Variants in CD58 observed in about 807,000 individuals in gnomAD.
CD58 encodes CD58 molecule, also known as lymphocyte function-associated antigen 3.
CD58 carries 14 observed loss-of-function variants against 27.6 expected under a neutral mutation model. The ratio of observed to expected loss-of-function variants is 0.51; its 90% CI spans 0.34 to 0.79. The LOEUF (loss-of-function observed/expected upper bound fraction) is 0.79, where lower values mean the gene tolerates loss of function less well. Ranked by LOEUF, CD58 falls within the 30% of genes least tolerant of loss-of-function variation. CD58 has a pLI of 0.02. For synonymous variants in CD58, 117 were observed against 103.8 expected (o/e 1.13, Z -0.77); for missense variants, 268 against 301.7 (o/e 0.89, Z 0.83).
chr1:116,542,956 G>A lies in CD58; in HGVS notation c.364+1355C>T, dbSNP rs147000700. Among the ~76,000 whole-genome samples the A allele has an allele frequency of 1.5e-3, 233 of 152,304 alleles. 8 individuals are homozygous for A. In the East Asian group the frequency reaches 0.038, roughly 25 times the overall value. On this transcript the variant is annotated intron_variant, in intron 2 of 5. Transcript: ENST00000369489. ...GAAGGAGGTATTCAAGATTTGAGGA[G>A]AGAAAAAGTAACTGCTAGGAGAGTG... is the stretch of plus-strand genomic sequence containing the variant.
chr1:116,530,999 G>A (rs1281977283), intron 3 of CD58, among the ~76,000 whole-genome samples: 1 of 152,108 alleles, frequency 6.6e-6, no homozygotes, highest in East Asian at 1.9e-4. Context: ...AAAATCTGTT[G>A]TATATATGTG....
Position 116,514,629 on chromosome 1 carries a change from T to A in CD58, c.*184A>T, listed in dbSNP as rs1657019151. The A allele has an allele frequency of 1.9e-6, 1 of 530,664 alleles. No homozygotes were observed. Among genetic ancestry groups the A allele is most frequent in the Non-Finnish European group, 3.4e-6 (1 of 292,956 alleles). 32.9% of individuals were successfully genotyped at this position (530,664 alleles called of 1,614,324 possible). A position where few individuals can be genotyped will look rare whatever the true frequency, so the allele number is the denominator to read the frequency against. On this transcript the variant is annotated 3_prime_UTR_variant, in exon 6 of 6. Transcript: ENST00000369489. ...AAAAAGCAAGCACCTAGTCATATAA[T>A]AAGTTGATGACAGCCAAAACTAATG... is the stretch of plus-strand genomic sequence containing the variant.
At position 116,527,491 on chromosome 1, in the gene CD58, A is replaced by G. The variant is rs567130960; in HGVS notation, c.629-5508T>C. 3.9e-4 allele frequency among the ~76,000 whole-genome samples: 59 copies of G among 152,270 alleles called. No individual in the cohort carries two copies. The highest frequency in any genetic ancestry group is 2.4e-3 in the Admixed American group (37 of 15,298). ...TGATGGATTACATTAATTGATTTTC[A>G]TATGTTGAACCTGCCTTGCACACCT... On this transcript the variant is annotated intron_variant, in intron 3 of 5. Transcript: ENST00000369489. This position sits in a 1 kb window ranked among gnomAD's most constrained non-coding sequence, Gnocchi z 4.4.
chr1:116,535,996 T>G lies in CD58; in HGVS notation c.597A>C (p.Ser199=), dbSNP rs1657785036. Residue 199 remains serine, a synonymous_variant, in exon 3 of 6, where the codon TCA becomes TCC. Coordinates refer to ENST00000369489, the MANE Select transcript of CD58 (RefSeq NM_001779.3). ...LSNPLFNTTS[S]IILTTCIPSS... Reference sequence around the variant, plus strand: ...TTGGGATACAGGTTGTCAAAATGATTGATGATGTTGTATTAAATAATGGAT... The same window carrying G: ...TTGGGATACAGGTTGTCAAAATGATGGATGATGTTGTATTAAATAATGGAT... 3.1e-6 allele frequency: 5 copies of G among 1,611,466 alleles called. No homozygotes were observed. The highest frequency in any genetic ancestry group is 4.2e-6 in the Non-Finnish European group (5 of 1,178,826).
rs1460661577 is a variant in CD58 at position 116,532,153 on chromosome 1, G to A, written c.628+3812C>T. ...GGACAGGCTCGCGTCTTCAGCCCTG[G>A]TGGCAGGAAGCAGTGTTTCTTCCGC... On this transcript the variant is annotated intron_variant, in intron 3 of 5. Transcript: ENST00000369489. This position sits in a 1 kb window ranked among gnomAD's most constrained non-coding sequence, Gnocchi z 5.1. 6.6e-6 allele frequency among the ~76,000 whole-genome samples: 1 copy of A among 152,250 alleles called. No individual in the cohort carries two copies. The highest frequency in any genetic ancestry group is 2.4e-5 in the African/African-American group (1 of 41,466).
In CD58 at chr1:116,514,732, A is replaced by G; in HGVS notation, c.*81T>C. The G allele has an allele frequency of 1.1e-6, 1 of 876,198 alleles. No homozygotes were observed. The highest frequency in any genetic ancestry group is 1.8e-6 in the Non-Finnish European group (1 of 552,770). The allele number at this position is 876,198 out of a possible 1,614,324, so 54.3% of individuals were successfully genotyped here. A position where few individuals can be genotyped will look rare whatever the true frequency, so the allele number is the denominator to read the frequency against. ...TTTCCAACAGTTGTTCAAAAATTGTAATACTCAAATGAGAAATCAGATGGC... is the reference window on the plus strand; with the variant it reads ...TTTCCAACAGTTGTTCAAAAATTGTGATACTCAAATGAGAAATCAGATGGC... On this transcript the variant is annotated 3_prime_UTR_variant, in exon 6 of 6. Coordinates refer to ENST00000369489, the MANE Select transcript of CD58 (RefSeq NM_001779.3).
In CD58 at chr1:116,570,766, G is replaced by T; in HGVS notation, c.70+137C>A. On this transcript the variant is annotated intron_variant, in intron 1 of 5. Transcript: ENST00000369489. The surrounding 1 kb of genome is among the most constrained non-coding windows in gnomAD (Gnocchi z 6.4). Reference sequence around the variant, plus strand: ...TTCCTGAAAAGGCTCCCACGGCTGAGTTGTTCCCGGCCCACAGCGACCCGT... The same window carrying T: ...TTCCTGAAAAGGCTCCCACGGCTGATTTGTTCCCGGCCCACAGCGACCCGT... The T allele has an allele frequency of 1.6e-6, 1 of 619,514 alleles. No homozygotes were observed. The highest frequency in any genetic ancestry group is 2.7e-6 in the Non-Finnish European group (1 of 365,434). 38.4% of individuals were successfully genotyped at this position (619,514 alleles called of 1,614,324 possible).
At chr1:116,539,705 G>T (rs1039204981) in intron 2 of CD58, among the ~76,000 whole-genome samples, 1 of 152,168 alleles carries the variant, frequency 6.6e-6, no homozygotes, top group African/African-American at 2.4e-5. Flanking sequence ...ATCTAAAAGT[G>T]TGCAAGCCTT....
Position 116,523,763 on chromosome 1 carries a change from T to C in CD58, c.629-1780A>G, listed in dbSNP as rs1657341926. On this transcript the variant is annotated intron_variant, in intron 3 of 5. Transcript: ENST00000369489. This position sits in a 1 kb window ranked among gnomAD's most constrained non-coding sequence, Gnocchi z 4.4. ...ATCATTCCTTCTTTACTAACTACAA[T>C]CTTCACATAAAGATAAACTGCCCCT... 6.6e-6 allele frequency among the ~76,000 whole-genome samples: 1 copy of C among 152,174 alleles called. No individual in the cohort carries two copies. The highest frequency in any genetic ancestry group is 2.4e-5 in the African/African-American group (1 of 41,446).
In CD58 at chr1:116,564,159, C is replaced by T. The variant is rs576827335; in HGVS notation, c.70+6744G>A. On this transcript the variant is annotated intron_variant, in intron 1 of 5. Transcript: ENST00000369489. Reference sequence around the variant, plus strand: ...AATTTCTCTCAAGTTCAAAGTTCCACGTATCTTTAGGGCACAGGCAAAATG... The same window carrying T: ...AATTTCTCTCAAGTTCAAAGTTCCATGTATCTTTAGGGCACAGGCAAAATG... 1.1e-4 allele frequency among the ~76,000 whole-genome samples: 16 copies of T among 152,302 alleles called. No individual in the cohort carries two copies. In the South Asian group the frequency reaches 2.1e-3, roughly 20 times the overall value.
chr1:116,521,137 G>A lies in CD58; in HGVS notation c.706+769C>T, dbSNP rs1657250738. 6.6e-6 allele frequency among the ~76,000 whole-genome samples: 1 copy of A among 152,140 alleles called. No homozygotes were observed. The highest frequency in any genetic ancestry group is 2.4e-5 in the African/African-American group (1 of 41,426). On this transcript the variant is annotated intron_variant, in intron 4 of 5. Transcript: ENST00000369489. The surrounding 1 kb of genome is among the most constrained non-coding windows in gnomAD (Gnocchi z 5.6). ...CTAATTGGCTACTATACTAAACAGT[G>A]CAGGTCTAAGGAAACTGAAATCTAG...
At chr1:116,556,837 G>A (rs1295831847) in intron 1 of CD58, among the ~76,000 whole-genome samples, 1 of 152,202 alleles carries the variant, frequency 6.6e-6, no homozygotes. Context: ...GCACCAGTGA[G>A]CCTACAGGGA....
intron 5 of CD58, among the ~76,000 whole-genome samples, chr1:116,518,145 C>T (rs928535469): frequency 4.6e-5 from 7 of 152,130 alleles, no homozygotes; most frequent in African/African-American, 1.7e-4. Flanking sequence ...ACAACCAAAG[C>T]ACAGAGAGTT....
rs186554323 is a variant in CD58, at chr1:116,541,131, A to C, written c.364+3180T>G. ...GCCTAGAATATTTTAAATTATTTTA[A>C]AACAGTTCATCAAGTTTAAGAGGAG... On this transcript the variant is annotated intron_variant, in intron 2 of 5. Coordinates refer to ENST00000369489, the MANE Select transcript of CD58 (RefSeq NM_001779.3). The surrounding 1 kb of genome is among the most constrained non-coding windows in gnomAD (Gnocchi z 5.3). Among the ~76,000 whole-genome samples, 17 of 152,312 alleles carry C rather than the reference A, an allele frequency of 1.1e-4. No homozygotes were observed. The East Asian group carries it at 1.7e-3, about 16-fold the overall frequency.
chr1:116,531,131 T>C lies in CD58; in HGVS notation c.628+4834A>G, dbSNP rs1657588299. On this transcript the variant is annotated intron_variant, in intron 3 of 5. Transcript: ENST00000369489. This position sits in a 1 kb window ranked among gnomAD's most constrained non-coding sequence, Gnocchi z 4.5. ...AATAAGAGGAATATCATTCCTCTTA[T>C]GATCTTTTACCAGACTATTTACAGG... is the stretch of plus-strand genomic sequence containing the variant. 6.6e-6 allele frequency among the ~76,000 whole-genome samples: 1 copy of C among 152,246 alleles called. No individual in the cohort carries two copies. The highest frequency in any genetic ancestry group is 2.4e-5 in the African/African-American group (1 of 41,474).
intron 1 of CD58, among the ~76,000 whole-genome samples, chr1:116,554,486 T>C (rs1336004570): frequency 1.3e-5 from 2 of 152,056 alleles, no homozygotes; most frequent in Non-Finnish European, 2.9e-5. Flanking sequence ...AGGAGTTTGA[T>C]ACCAGCCTGG....
At chr1:116,543,374 T>C (rs550463337) in intron 2 of CD58, among the ~76,000 whole-genome samples, 12 of 151,136 alleles carry the variant, frequency 7.9e-5, no homozygotes, top group South Asian at 6.3e-4. Flanking sequence ...GTGGGTAACG[T>C]AGAGGAAAAG....
At chr1:116,539,515 A>G (rs1401344101) in intron 2 of CD58, among the ~76,000 whole-genome samples, 1 of 152,082 alleles carries the variant, frequency 6.6e-6, no homozygotes, top group African/African-American at 2.4e-5. Flanking sequence ...GTAAAAAAGA[A>G]AAGAAAAGAA....
At position 116,532,227 on chromosome 1, in the gene CD58, C is replaced by A. The variant is rs1328813210; in HGVS notation, c.628+3738G>T. 1.3e-5 allele frequency among the ~76,000 whole-genome samples: 2 copies of A among 152,190 alleles called. No individual in the cohort carries two copies. Among genetic ancestry groups the A allele is most frequent in the Non-Finnish European group, 2.9e-5 (2 of 68,038 alleles). ...GTGGCACATCTTCCTGCTCAGGTCA[C>A]CAGGGTGGTTCAGAAATGGCAAGGA... On this transcript the variant is annotated intron_variant, in intron 3 of 5. Transcript: ENST00000369489. The surrounding 1 kb of genome is among the most constrained non-coding windows in gnomAD (Gnocchi z 5.1).
Sources: allele counts gnomAD v4.1 joint callset (sites outside exome capture counted in the v4.1 genomes callset), GRCh38; gene constraint gnomAD v4.1.1; non-coding constraint Gnocchi (gnomAD v3.1); transcripts MANE v1.5; gene names NCBI Gene and HGNC (gene_info 2026-07-23, HGNC 2026-07-21).